AFG1L: variants seen among roughly 807,000 people sequenced by gnomAD.
AFG1L encodes the protein AFG1 like ATPase.
In AFG1L, 53 loss-of-function variants were observed where a neutral mutation model predicts 62.2. The observed-to-expected ratio is 0.85, with a 90% CI of 0.68 to 1.07. The LOEUF is 1.07. Ranked by LOEUF, AFG1L falls within the 50% of genes least tolerant of loss-of-function variation. The pLI, the probability that AFG1L is intolerant of heterozygous loss-of-function variation, is 0.00. For missense variants in AFG1L, 555 were observed against 590.5 expected (o/e 0.94, Z 0.62); for synonymous variants, 228 against 210.3 (o/e 1.08, Z -0.73).
intron 8 of AFG1L, among the ~76,000 whole-genome samples, chr6:108,453,944 G>A (rs995091200): frequency 3.9e-5 from 6 of 152,168 alleles, no homozygotes; most frequent in African/African-American, 1.2e-4. Flanking sequence ...ACATTCACCA[G>A]TGCAAGCAAC....
At chr6:108,377,705 A>ATGG (rs1466710992) in intron 6 of AFG1L, among the ~76,000 whole-genome samples, 1 of 151,846 alleles carries the variant, frequency 6.6e-6, no homozygotes, top group Non-Finnish European at 1.5e-5. Flanking sequence ...CTTGGACAGT[A>ATGG]TGGTGACTAT....
At chr6:108,377,578 T>C (rs1007923038) in intron 6 of AFG1L, among the ~76,000 whole-genome samples, 1 of 152,178 alleles carries the variant, frequency 6.6e-6, no homozygotes, top group African/African-American at 2.4e-5. Flanking sequence ...GCTCCCAATC[T>C]CTCCTGGTTT....
chr6:108,430,362 G>A (rs1448418316), intron 7 of AFG1L, among the ~76,000 whole-genome samples: 1 of 152,168 alleles, frequency 6.6e-6, no homozygotes, highest in Non-Finnish European at 1.5e-5. Context: ...TTTATTGGGT[G>A]TTGCTTATAC....
intron 6 of AFG1L, among the ~76,000 whole-genome samples, chr6:108,394,151 C>T (rs111938395): frequency 1.4e-4 from 21 of 146,192 alleles, no homozygotes; most frequent in African/African-American, 4.5e-4. Context: ...CTCCCCTCCC[C>T]TCTCCTCTCC....
At chr6:108,443,731 G>A (rs962528691) in intron 7 of AFG1L, among the ~76,000 whole-genome samples, 8 of 151,726 alleles carry the variant, frequency 5.3e-5, no homozygotes, top group Non-Finnish European at 7.4e-5. Context: ...AAAAATTACC[G>A]GGGCATGGTG....
rs376404548 is a variant in AFG1L, at chr6:108,355,804, A to G, written c.517+49A>G. ...GATTTTTTCAGTGGGGAAACGCTACAAAATGGTTTTCTTCATTGAATGAAC... is the reference window on the plus strand; with the variant it reads ...GATTTTTTCAGTGGGGAAACGCTACGAAATGGTTTTCTTCATTGAATGAAC... On this transcript the variant is annotated intron_variant, in intron 4 of 12. Coordinates refer to ENST00000368977, the MANE Select transcript of AFG1L (RefSeq NM_145315.5). 2.4e-4 allele frequency: 297 copies of G among 1,216,958 alleles called. 4 individuals are homozygous for G. The African/African-American group carries it at 4.2e-3, about 17-fold the overall frequency. The allele number at this position is 1,216,958 out of a possible 1,614,324, so 75.4% of individuals were successfully genotyped here. A position where few individuals can be genotyped will look rare whatever the true frequency, so the allele number is the denominator to read the frequency against.
chr6:108,340,687 A>G (rs555653178), intron 2 of AFG1L, among the ~76,000 whole-genome samples: 9 of 152,266 alleles, frequency 5.9e-5, no homozygotes, highest in Admixed American at 2.6e-4. Flanking sequence ...AGAGAAGAGG[A>G]ATTTAATGTG....
At chr6:108,375,668 CT>C (rs1780212133) in intron 6 of AFG1L, among the ~76,000 whole-genome samples, 1 of 152,086 alleles carries the variant, frequency 6.6e-6, no homozygotes, top group South Asian at 2.1e-4. Context: ...CATCCCAGGA[CT>C]GAGGCCTACT....
intron 1 of AFG1L, among the ~76,000 whole-genome samples, chr6:108,299,267 GAAAA>G (rs202160469): frequency 2.0e-5 from 2 of 99,438 alleles, no homozygotes; most frequent in Admixed American, 2.1e-4. Context: ...TCTCAAAAAA[GAAAA>G]AAAAAAAAAA....
At position 108,522,437 on chromosome 6, in the gene AFG1L, G is replaced by A. The variant is rs772868234; in HGVS notation, c.*12G>A. 1 of 1,603,920 alleles carries A rather than the reference G, an allele frequency of 6.2e-7. No individual in the cohort carries two copies. The highest frequency in any genetic ancestry group is 8.5e-7 in the Non-Finnish European group (1 of 1,172,392). On this transcript the variant is annotated 3_prime_UTR_variant, in exon 13 of 13. Coordinates refer to ENST00000368977, the MANE Select transcript of AFG1L (RefSeq NM_145315.5). ...GAACCAAGAAGTAACTGCCACTTTT[G>A]CATAAATAAAACTCTAGACAAATGG... is the stretch of plus-strand genomic sequence containing the variant.
intron 8 of AFG1L, among the ~76,000 whole-genome samples, chr6:108,459,234 C>CT (rs1311452796): frequency 1.3e-5 from 2 of 152,152 alleles, no homozygotes; most frequent in East Asian, 3.8e-4. Flanking sequence ...GTCTCTATAT[C>CT]TTTTTTTCCA....
chr6:108,449,601 CT>C (rs902988395), intron 8 of AFG1L, among the ~76,000 whole-genome samples: 5 of 151,442 alleles, frequency 3.3e-5, no homozygotes, highest in East Asian at 1.9e-4. Context: ...TGTAGAAAAA[CT>C]TTTTTTTTAT....
At chr6:108,453,332 TC>T (rs1302477068) in intron 8 of AFG1L, among the ~76,000 whole-genome samples, 3 of 152,050 alleles carry the variant, frequency 2.0e-5, no homozygotes, top group Non-Finnish European at 1.5e-5. Context: ...TGAACAGATT[TC>T]AAAAAAAAAG....
At chr6:108,313,323 C>G (rs1777480334) in intron 1 of AFG1L, among the ~76,000 whole-genome samples, 1 of 152,160 alleles carries the variant, frequency 6.6e-6, no homozygotes, top group Non-Finnish European at 1.5e-5. Flanking sequence ...GTTTCTTCAT[C>G]TTTAAAGTAG....
chr6:108,399,098 T>C (rs547532739), intron 6 of AFG1L, among the ~76,000 whole-genome samples: 1 of 151,918 alleles, frequency 6.6e-6, no homozygotes, highest in Non-Finnish European at 1.5e-5. Flanking sequence ...AGCTTTCCAT[T>C]TTTGTGTTTG....
At chr6:108,397,409 G>A (rs145281240) in intron 6 of AFG1L, among the ~76,000 whole-genome samples, 2 of 151,130 alleles carry the variant, frequency 1.3e-5, no homozygotes, top group Non-Finnish European at 3.0e-5. Flanking sequence ...GATTATAGGC[G>A]TGAGCCCTGG....
intron 6 of AFG1L, among the ~76,000 whole-genome samples, chr6:108,400,334 T>C (rs961205992): frequency 6.6e-6 from 1 of 151,718 alleles, no homozygotes; most frequent in African/African-American, 2.4e-5. Context: ...GTCTGTCATA[T>C]ATAGTTTTTA....
At position 108,522,449 on chromosome 6, in the gene AFG1L, C is replaced by T. The variant is rs766207325; in HGVS notation, c.*24C>T. 1 of 1,597,412 alleles carries T rather than the reference C, an allele frequency of 6.3e-7. No homozygotes were observed. Among genetic ancestry groups the T allele is most frequent in the South Asian group, 1.1e-5 (1 of 89,758 alleles). On this transcript the variant is annotated 3_prime_UTR_variant, in exon 13 of 13. Transcript: ENST00000368977. ...AACTGCCACTTTTGCATAAATAAAA[C>T]TCTAGACAAATGGTTAACGCAGGCA...
chr6:108,499,488 AG>A (rs1410804504), intron 10 of AFG1L, among the ~76,000 whole-genome samples: 2 of 149,968 alleles, frequency 1.3e-5, no homozygotes, highest in Non-Finnish European at 3.0e-5. Context: ...CTGTAATCCC[AG>A]TTCTTTGGGA....
Sources: gnomAD v4.1 joint callset for allele counts (sites outside exome capture counted in the v4.1 genomes callset) on GRCh38, gnomAD v4.1.1 for gene constraint, MANE v1.5 for transcripts, NCBI Gene and HGNC (gene_info 2026-07-23, HGNC 2026-07-21) for gene names.